The following TBC1D5 variants were observed in gnomAD, a reference collection of about 807,000 sequenced individuals.
TBC1D5 encodes TBC1 domain family member 5, also known as TBC1 domain family, member 5.
In TBC1D5, 75 loss-of-function variants were observed where a neutral mutation model predicts 100.3. That is an observed-to-expected ratio of 0.75 (90% CI 0.62 to 0.91). TBC1D5 has a LOEUF of 0.91. Ranked by LOEUF, TBC1D5 falls within the 40% of genes least tolerant of loss-of-function variation. The probability of loss-of-function intolerance (pLI) is 0.00; values close to 1 mark genes in which losing one functional copy is unlikely to be tolerated. For synonymous variants in TBC1D5, 323 were observed against 325.6 expected (o/e 0.99, Z 0.09); for missense variants, 910 against 942.4 (o/e 0.97, Z 0.45).
rs60634865 is a variant in TBC1D5, at chr3:17,637,867, T to C, written c.-100-13954A>G. Among the ~76,000 whole-genome samples, 1,500 of 152,278 alleles carry C rather than the reference T, an allele frequency of 9.9e-3. 31 individuals carry two copies. The highest frequency in any genetic ancestry group is 0.035 in the African/African-American group (1,454 of 41,548). ...TAATCTTTGACCCAACAATTTCACTTGTAAAATTTATCCTGAAAAGACAAG... is the reference window on the plus strand; with the variant it reads ...TAATCTTTGACCCAACAATTTCACTCGTAAAATTTATCCTGAAAAGACAAG... On this transcript the variant is annotated intron_variant, in intron 1 of 21. Coordinates refer to ENST00000253692, the Ensembl canonical transcript of TBC1D5.
intron 3 of TBC1D5, among the ~76,000 whole-genome samples, chr3:17,489,463 T>G (rs975034143): frequency 2.6e-5 from 4 of 152,160 alleles, no homozygotes; most frequent in African/African-American, 4.8e-5. Context: ...TTCTTCAATT[T>G]TCTTGTATTT....
chr3:17,224,900 A>C (rs558579527), intron 17 of TBC1D5, among the ~76,000 whole-genome samples: 1 of 152,294 alleles, frequency 6.6e-6, no homozygotes, highest in African/African-American at 2.4e-5. Context: ...ATGAAATTTC[A>C]AATTGGTGGT....
rs1363926293 is a variant in TBC1D5 at position 17,352,683 on chromosome 3, C to CAAAAAAAAAAAAAAAAAAAAAAAAAA, written c.995+19391_995+19392insTTTTTTTTTTTTTTTTTTTTTTTTTT. Among the ~76,000 whole-genome samples, 20 of 94,890 alleles carry CAAAAAAAAAAAAAAAAAAAAAAAAAA rather than the reference C, an allele frequency of 2.1e-4. 1 individual carries two copies. Among genetic ancestry groups the CAAAAAAAAAAAAAAAAAAAAAAAAAA allele is most frequent in the African/African-American group, 3.2e-4 (8 of 24,980 alleles). The allele number at this position is 94,890 out of a possible 152,430, so 62.3% of individuals were successfully genotyped here. A position where few individuals can be genotyped will look rare whatever the true frequency, so the allele number is the denominator to read the frequency against. The stretch of plus-strand genomic sequence containing the variant: ...TCTAACTACAATACAAAGCAAAAGG[C>CAAAAAAAAAAAAAAAAAAAAAAAAAA]AAAAAAAAAAAAAAAACAAAAAAAC... On this transcript the variant is annotated intron_variant, in intron 13 of 21. Transcript: ENST00000253692.
At chr3:17,441,820 A>C (rs1296232613) in intron 3 of TBC1D5, among the ~76,000 whole-genome samples, 1 of 152,196 alleles carries the variant, frequency 6.6e-6, no homozygotes, top group Non-Finnish European at 1.5e-5. Flanking sequence ...CTAGATTAGT[A>C]ATTAACTTGA....
intron 2 of TBC1D5, among the ~76,000 whole-genome samples, chr3:17,593,233 GTGGCTAAGA>G (rs916139304): frequency 3.3e-5 from 5 of 152,136 alleles, no homozygotes; most frequent in Admixed American, 6.5e-5. Flanking sequence ...TAATAATCAA[GTGGCTAAGA>G]TGACCCTTTC....
chr3:17,637,600 A>G (rs994683057), intron 1 of TBC1D5, among the ~76,000 whole-genome samples: 3 of 152,094 alleles, frequency 2.0e-5, no homozygotes, highest in African/African-American at 7.2e-5. Flanking sequence ...CCTCAGTAGA[A>G]AAAAGGACAA....
intron 2 of TBC1D5, among the ~76,000 whole-genome samples, chr3:17,549,753 C>T (rs1381113734): frequency 1.3e-5 from 2 of 152,066 alleles, no homozygotes; most frequent in Non-Finnish European, 1.5e-5. Context: ...CAATATGGTG[C>T]AACCTCGTCT....
intron 3 of TBC1D5, among the ~76,000 whole-genome samples, chr3:17,502,860 T>C (rs928751025): frequency 6.7e-6 from 1 of 149,564 alleles, no homozygotes; most frequent in African/African-American, 2.5e-5. Context: ...CATTTCCCCA[T>C]ATCCAGTCAA....
chr3:17,379,722 C>T (rs2092856291), intron 9 of TBC1D5, among the ~76,000 whole-genome samples: 1 of 151,874 alleles, frequency 6.6e-6, no homozygotes. Flanking sequence ...CTACACATAC[C>T]ATGCTGTTTT....
chr3:17,525,384 G>A (rs889274416), intron 2 of TBC1D5, among the ~76,000 whole-genome samples: 5 of 152,086 alleles, frequency 3.3e-5, no homozygotes, highest in Non-Finnish European at 7.4e-5. Flanking sequence ...ACCTGCCTCG[G>A]CCTCCCAAAG....
chr3:17,674,769 A>G (rs1039640217), intron 1 of TBC1D5, among the ~76,000 whole-genome samples: 5 of 152,138 alleles, frequency 3.3e-5, no homozygotes, highest in Admixed American at 6.5e-5. Flanking sequence ...GTAAACAATA[A>G]AAGATGGAAG....
intron 15 of TBC1D5, among the ~76,000 whole-genome samples, chr3:17,287,036 A>G (rs946765323): frequency 1.3e-5 from 2 of 152,236 alleles, no homozygotes; most frequent in African/African-American, 4.8e-5. Context: ...AGGATTTTAA[A>G]TAATTCTGAT....
At chr3:17,501,651 TA>T (rs2095789549) in intron 3 of TBC1D5, among the ~76,000 whole-genome samples, 1 of 149,122 alleles carries the variant, frequency 6.7e-6, no homozygotes, top group South Asian at 2.1e-4. Context: ...TGATAGCAAA[TA>T]TCCTTATATT....
intron 2 of TBC1D5, among the ~76,000 whole-genome samples, chr3:17,616,042 T>C (rs1410151228): frequency 6.6e-6 from 1 of 152,248 alleles, no homozygotes; most frequent in African/African-American, 2.4e-5. Context: ...TAAATTTCCC[T>C]CTACACACTG....
chr3:17,481,519 C>A (rs1261443061), intron 3 of TBC1D5, among the ~76,000 whole-genome samples: 2 of 152,218 alleles, frequency 1.3e-5, no homozygotes, highest in African/African-American at 2.4e-5. Context: ...TCTGCCACTG[C>A]ACTCCAGCCT....
intron 7 of TBC1D5, among the ~76,000 whole-genome samples, chr3:17,403,807 AT>A (rs2093703466): frequency 6.6e-6 from 1 of 152,090 alleles, no homozygotes; most frequent in African/African-American, 2.4e-5. Context: ...TATTCTCAAA[AT>A]TTTTATTATC....
chr3:17,577,885 GT>G (rs1482783856), intron 2 of TBC1D5, among the ~76,000 whole-genome samples: 1 of 151,876 alleles, frequency 6.6e-6, no homozygotes, highest in Non-Finnish European at 1.5e-5. Context: ...GAAGCCATAT[GT>G]TTTTTCCCAT....
chr3:17,401,332 CATATATGTATAATAT>C (rs2093641330), intron 8 of TBC1D5, among the ~76,000 whole-genome samples: 4 of 12,974 alleles, frequency 3.1e-4, no homozygotes, highest in Non-Finnish European at 5.3e-4. Context: ...GTATAATATA[CATATATGTATAATAT>C]ACATATATAT....
intron 14 of TBC1D5, among the ~76,000 whole-genome samples, chr3:17,293,233 C>T (rs2150184644): frequency 6.6e-6 from 1 of 152,256 alleles, no homozygotes; most frequent in Non-Finnish European, 1.5e-5. Flanking sequence ...CCTTCAGTTA[C>T]CTGCTGTCCT....
Sources: gnomAD v4.1 joint callset for allele counts (sites outside exome capture counted in the v4.1 genomes callset) on GRCh38, gnomAD v4.1.1 for gene constraint, MANE v1.5 for transcripts, NCBI Gene and HGNC (gene_info 2026-07-23, HGNC 2026-07-21) for gene names.